TRIM9: variants seen among roughly 807,000 people sequenced by gnomAD.
TRIM9 encodes the protein E3 ubiquitin-protein ligase TRIM9.
A neutral mutation model predicts 78.3 loss-of-function variants in TRIM9; 26 were observed. The observed-to-expected ratio is 0.33, with a 90% confidence interval of 0.24 to 0.46. The LOEUF is 0.46. Ranked by LOEUF, TRIM9 falls within the 20% of genes least tolerant of loss-of-function variation. The probability of loss-of-function intolerance (pLI) is 1.00; values close to 1 mark genes in which losing one functional copy is unlikely to be tolerated. For synonymous variants in TRIM9, 398 were observed against 416.5 expected, an observed-to-expected ratio of 0.96 and a Z score of 0.54; for missense variants, 787 against 1,036.4, an observed-to-expected ratio of 0.76 and a Z score of 3.30.
Position 51,009,194 on chromosome 14 carries a change from C to T in TRIM9, c.1192G>A (p.Asp398Asn), listed in dbSNP as rs2056244058. ...ALIRRVHLTE[D>N]QWGKGTLTPR... Reference sequence around the variant, plus strand: ...GTGAGTGTGCCTTTACCCCACTGATCCTCAGTCAGGTGCACTCTTCTTATG... The same window carrying T: ...GTGAGTGTGCCTTTACCCCACTGATTCTCAGTCAGGTGCACTCTTCTTATG... The change falls in exon 5 of 13, where the codon GAT (aspartate) becomes AAT (asparagine). Residue 398 changes from aspartate to asparagine, a missense_variant. Coordinates refer to ENST00000684578, the MANE Select transcript of TRIM9 (RefSeq NM_001387360.1). 2.5e-6 allele frequency: 4 copies of T among 1,614,048 alleles called. No homozygotes were observed. In the East Asian group the frequency reaches 8.9e-5, roughly 36 times the overall value.
At chr14:50,996,451 A>G (rs1055824558) in intron 7 of TRIM9, 2 of 985,318 alleles carry the variant, frequency 2.0e-6, no homozygotes, top group African/African-American at 3.5e-5. Flanking sequence ...CTAATAACTG[A>G]TTTTTACCAG....
intron 1 of TRIM9, among the ~76,000 whole-genome samples, chr14:51,032,649 A>G (rs996751946): frequency 6.6e-6 from 1 of 152,232 alleles, no homozygotes. Context: ...CCAAGAGCAC[A>G]CAACAACTAA....
chr14:51,025,147 A>G, intron 2 of TRIM9, 118 bp downstream of exon 2: 1 of 903,070 alleles, frequency 1.1e-6, no homozygotes. Context: ...AACAACAACA[A>G]CCACAAAATA....
rs568356131 is a variant in TRIM9, at chr14:50,975,843, T to C, written c.*1448A>G. ...ACTAATGAATTTCAAGGGTAACCTA[T>C]GTAAGTCTATCTCTATATAGAAGTA... On this transcript the variant is annotated 3_prime_UTR_variant, in exon 13 of 13. Coordinates refer to ENST00000684578, the MANE Select transcript of TRIM9 (RefSeq NM_001387360.1). 1 of 152,782 alleles carries C rather than the reference T, an allele frequency of 6.5e-6. No homozygotes were observed. The highest frequency in any genetic ancestry group is 2.4e-5 in the African/African-American group (1 of 41,584). 9.5% of individuals were successfully genotyped at this position (152,782 alleles called of 1,614,324 possible). A position where few individuals can be genotyped will look rare whatever the true frequency, so the allele number is the denominator to read the frequency against.
Position 51,049,202 on chromosome 14 carries a change from C to T in TRIM9, c.823-23842G>A, listed in dbSNP as rs879898467. Reference sequence around the variant, plus strand: ...TCAGCCTCCTGAGTAGCTGGGACTACAGGCATGCGCCATCACACCCGGCTA... The same window carrying T: ...TCAGCCTCCTGAGTAGCTGGGACTATAGGCATGCGCCATCACACCCGGCTA... On this transcript the variant is annotated intron_variant, in intron 1 of 12. Coordinates refer to ENST00000684578, the MANE Select transcript of TRIM9 (RefSeq NM_001387360.1). Among the ~76,000 whole-genome samples the T allele has an allele frequency of 2.6e-4, 39 of 152,264 alleles. 1 individual carries two copies. Among genetic ancestry groups the T allele is most frequent in the Admixed American group, 2.4e-3 (37 of 15,294 alleles).
chr14:51,067,264 CT>C (rs2061829753), intron 1 of TRIM9, among the ~76,000 whole-genome samples: 1 of 152,182 alleles, frequency 6.6e-6, no homozygotes, highest in African/African-American at 2.4e-5. Context: ...TGATTTCTCT[CT>C]TTTGTACTGT....
intron 1 of TRIM9, among the ~76,000 whole-genome samples, chr14:51,085,303 G>A (rs1596330734): frequency 1.3e-5 from 2 of 152,336 alleles, no homozygotes; most frequent in East Asian, 1.9e-4. Context: ...CTGACAGAAG[G>A]TGGCTATTCC....
chr14:51,056,209 C>T lies in TRIM9; in HGVS notation c.823-30849G>A, dbSNP rs1255334917. On this transcript the variant is annotated intron_variant, in intron 1 of 12. Transcript: ENST00000684578. ...TCAAATATTCTAAAACTTGTAAAGC[C>T]TCTGTAACCAGACCAGAAATTGGTC... 6.6e-5 allele frequency among the ~76,000 whole-genome samples: 10 copies of T among 152,236 alleles called. No homozygotes were observed. In the East Asian group the frequency reaches 1.7e-3, roughly 26 times the overall value.
intron 5 of TRIM9, among the ~76,000 whole-genome samples, chr14:51,001,990 C>T (rs550512161): frequency 6.6e-6 from 1 of 152,306 alleles, no homozygotes; most frequent in Admixed American, 6.5e-5. Flanking sequence ...TGACTCTTTT[C>T]TAGTACTTAA....
At chr14:51,072,335 C>T (rs564601330) in intron 1 of TRIM9, among the ~76,000 whole-genome samples, 16 of 152,044 alleles carry the variant, frequency 1.1e-4, no homozygotes, top group African/African-American at 3.4e-4. Flanking sequence ...AGCCATCCAA[C>T]GAGAATTCCT....
intron 1 of TRIM9, among the ~76,000 whole-genome samples, chr14:51,072,651 A>G (rs2062393742): frequency 8.9e-6 from 1 of 112,634 alleles, no homozygotes; most frequent in South Asian, 2.3e-4. Flanking sequence ...GTTTCAATTT[A>G]TTACTTTTTT....
chr14:51,050,589 G>GTC (rs2060332752), intron 1 of TRIM9, among the ~76,000 whole-genome samples: 1 of 152,160 alleles, frequency 6.6e-6, no homozygotes, highest in Non-Finnish European at 1.5e-5. Flanking sequence ...ACAGCAGAGG[G>GTC]TCTATGTTTC....
At chr14:51,061,950 C>T (rs575680921) in intron 1 of TRIM9, among the ~76,000 whole-genome samples, 10 of 152,296 alleles carry the variant, frequency 6.6e-5, no homozygotes, top group African/African-American at 2.4e-4. Flanking sequence ...GATATTATCC[C>T]ACACGTTTCA....
At chr14:51,006,487 T>C (rs2055819938) in intron 5 of TRIM9, among the ~76,000 whole-genome samples, 1 of 152,216 alleles carries the variant, frequency 6.6e-6, no homozygotes, top group Non-Finnish European at 1.5e-5. Flanking sequence ...TCATGACCTT[T>C]GGCTTTTTCT....
At chr14:51,090,586 T>A (rs749690255) in intron 1 of TRIM9, 10 of 152,232 alleles carry the variant, frequency 6.6e-5, no homozygotes, top group Non-Finnish European at 1.2e-4. Flanking sequence ...ACAAATATGT[T>A]ACTGATTCAG....
chr14:51,058,146 A>G (rs1343374301), intron 1 of TRIM9, among the ~76,000 whole-genome samples: 1 of 152,232 alleles, frequency 6.6e-6, no homozygotes, highest in African/African-American at 2.4e-5. Flanking sequence ...ATGGTAATCT[A>G]GCAGCCTAAG....
intron 7 of TRIM9, chr14:50,996,048 A>G: frequency 2.0e-6 from 2 of 979,760 alleles, no homozygotes; most frequent in South Asian, 9.5e-5. Flanking sequence ...GGAGAAACAA[A>G]TAGAACAAAC....
At chr14:50,979,329 G>C in intron 12 of TRIM9, 58 bp downstream of exon 12, 1 of 1,613,986 alleles carries the variant, frequency 6.2e-7, no homozygotes, top group South Asian at 1.1e-5. Flanking sequence ...ACGGCCCTGG[G>C]CAGCCTTTGA....
intron 3 of TRIM9, among the ~76,000 whole-genome samples, chr14:51,017,150 C>T (rs781073146): frequency 5.9e-5 from 9 of 152,190 alleles, no homozygotes; most frequent in Non-Finnish European, 8.8e-5. Flanking sequence ...CTAAAACTTA[C>T]AGCATTTAAC....
Sources: allele counts gnomAD v4.1 joint callset (sites outside exome capture counted in the v4.1 genomes callset), GRCh38; gene constraint gnomAD v4.1.1; transcripts MANE v1.5; gene names NCBI Gene and HGNC (gene_info 2026-07-23, HGNC 2026-07-21).